SAAL1: variants seen among roughly 807,000 people sequenced by gnomAD.
The protein encoded by SAAL1 is serum amyloid A like 1.
In SAAL1, 42 loss-of-function variants were observed where a neutral mutation model predicts 59.8. That is an observed-to-expected ratio of 0.70 (90% confidence interval 0.55 to 0.91). The LOEUF (loss-of-function observed/expected upper bound fraction) is 0.91. Ranked by LOEUF, SAAL1 falls within the 40% of genes least tolerant of loss-of-function variation. SAAL1 has a pLI of 0.00. For synonymous variants in SAAL1, 191 were observed against 194.3 expected (o/e 0.98, Z 0.14); for missense variants, 542 against 561.1 (o/e 0.97, Z 0.34).
intron 10 of SAAL1, among the ~76,000 whole-genome samples, chr11:18,082,517 T>C (rs1054897671): frequency 5.3e-5 from 8 of 152,096 alleles, no homozygotes; most frequent in African/African-American, 1.9e-4. Context: ...AATCCAGTAA[T>C]TTAAATTATA....
chr11:18,095,867 C>T (rs192160286), intron 3 of SAAL1, among the ~76,000 whole-genome samples: 15 of 152,222 alleles, frequency 9.9e-5, no homozygotes, highest in African/African-American at 3.4e-4. Flanking sequence ...AGGAAAAGTA[C>T]CACTGTGAAT....
intron 4 of SAAL1, 174 bp from the exon 5 acceptor site, chr11:18,090,667 A>G: frequency 1.5e-6 from 1 of 653,782 alleles, no homozygotes; most frequent in Non-Finnish European, 2.4e-6. Context: ...TCGTGTTTCC[A>G]AGAAACAGAA....
chr11:18,103,265 T>C lies in SAAL1; in HGVS notation c.217A>G (p.Ile73Val). The C allele has an allele frequency of 6.2e-7, 1 of 1,613,974 alleles. No individual in the cohort carries two copies. Among genetic ancestry groups the C allele is most frequent in the South Asian group, 1.1e-5 (1 of 91,086 alleles). ...TELDEEMENEICRVWDMSMDE... is the reference protein window; with the variant it reads ...TELDEEMENEVCRVWDMSMDE... ...ATTGACATATCCCATACTCTGCAAA[T>C]TTCATTCTCCATTTCTTCATCAAGC... Residue 73 changes from isoleucine (I) to valine (V), a missense_variant, in exon 2 of 12, where the codon ATT becomes GTT. Physicochemically the swap from Ile to Val is conservative, Grantham distance 29. Transcript: ENST00000524803.
intron 9 of SAAL1, 83 bp from the exon 10 acceptor site, chr11:18,083,814 T>C (rs1177471409): frequency 2.4e-6 from 2 of 842,734 alleles, no homozygotes; most frequent in Middle Eastern, 2.3e-4. Context: ...TGCTAGACAT[T>C]ATTATTTTGG....
In SAAL1 at chr11:18,085,050, G is replaced by C. The variant is rs148053619; in HGVS notation, c.1043-1319C>G. The stretch of plus-strand genomic sequence containing the variant: ...CAAAGTGCTGGGATTATAGGTGTGA[G>C]CCACAGCACCTGGCTGTAAAACATA... On this transcript the variant is annotated intron_variant, in intron 9 of 11. Coordinates refer to ENST00000524803, the MANE Select transcript of SAAL1 (RefSeq NM_138421.3). 3.4e-3 allele frequency among the ~76,000 whole-genome samples: 514 copies of C among 152,302 alleles called. 4 individuals carry two copies. Among genetic ancestry groups the C allele is most frequent in the African/African-American group, 0.012 (497 of 41,558 alleles).
chr11:18,094,901 C>A (rs936598260), intron 3 of SAAL1, among the ~76,000 whole-genome samples: 1 of 152,174 alleles, frequency 6.6e-6, no homozygotes. Context: ...TGGCTGTTCA[C>A]TGGAATCACC....
intron 3 of SAAL1, among the ~76,000 whole-genome samples, chr11:18,095,128 G>A (rs775016116): frequency 3.3e-4 from 50 of 152,116 alleles, no homozygotes; most frequent in Non-Finnish European, 6.5e-4. Context: ...TTAGTGATGC[G>A]GGGACATGCT....
At chr11:18,084,602 T>C (rs145907282) in intron 9 of SAAL1, among the ~76,000 whole-genome samples, 28 of 152,340 alleles carry the variant, frequency 1.8e-4, no homozygotes, top group African/African-American at 6.0e-4. Flanking sequence ...AGTATGCACA[T>C]GACTCCCTCC....
At chr11:18,094,231 C>A (rs1175478399) in intron 3 of SAAL1, among the ~76,000 whole-genome samples, 1 of 152,112 alleles carries the variant, frequency 6.6e-6, no homozygotes, top group Non-Finnish European at 1.5e-5. Flanking sequence ...GTACAGCTGA[C>A]CCTTGAACAC....
intron 11 of SAAL1, 138 bp downstream of exon 11, chr11:18,081,273 C>G: frequency 1.7e-6 from 1 of 604,892 alleles, no homozygotes; most frequent in Non-Finnish European, 2.9e-6. Flanking sequence ...CAGCAGTCAT[C>G]TATCTGACAA....
In SAAL1 at chr11:18,105,879, A is replaced by AC. The variant is rs753701383; in HGVS notation, c.135+27dup. 6.4e-6 allele frequency: 10 copies of AC among 1,561,122 alleles called. No homozygotes were observed. In the East Asian group the frequency reaches 1.7e-4, roughly 26 times the overall value. On this transcript the variant is annotated intron_variant, in intron 1 of 11. Coordinates refer to ENST00000524803, the MANE Select transcript of SAAL1 (RefSeq NM_138421.3). ...CCCGGTGCCTGGGGGATGTAGGGACACCCCACGCGTGGCGCGAGTTTCCAC... is the reference window on the plus strand; with the variant it reads ...CCCGGTGCCTGGGGGATGTAGGGACACCCCCACGCGTGGCGCGAGTTTCCAC...
chr11:18,096,659 T>C (rs1306581686), intron 3 of SAAL1, 112 bp downstream of exon 3: 10 of 683,580 alleles, frequency 1.5e-5, no homozygotes, highest in South Asian at 8.1e-5. Context: ...TACAGGCTGA[T>C]TTGTTGATTT....
At chr11:18,089,020 G>T (rs1848495229) in intron 7 of SAAL1, among the ~76,000 whole-genome samples, 2 of 152,186 alleles carry the variant, frequency 1.3e-5, no homozygotes, top group Non-Finnish European at 2.9e-5. Flanking sequence ...CAACGTTAAT[G>T]AAGTTGTTAA....
At chr11:18,096,966 T>C (rs866437984) in intron 2 of SAAL1, 112 bp from the exon 3 acceptor site, 20 of 653,326 alleles carry the variant, frequency 3.1e-5, no homozygotes, top group Middle Eastern at 7.6e-4. Flanking sequence ...CCAGGCGCAG[T>C]GGCTGACACC....
intron 2 of SAAL1, among the ~76,000 whole-genome samples, chr11:18,103,007 G>A (rs1028098583): frequency 2.6e-5 from 4 of 152,104 alleles, no homozygotes; most frequent in African/African-American, 9.7e-5. Context: ...ATTCATAAGA[G>A]CTACGTATTT....
At chr11:18,087,294 T>C (rs1389622952) in intron 7 of SAAL1, 69 bp from the exon 8 acceptor site, 1 of 950,994 alleles carries the variant, frequency 1.1e-6, no homozygotes, top group Non-Finnish European at 1.7e-6. Context: ...CATTCCTCCA[T>C]TCAATAAATA....
intron 2 of SAAL1, 81 bp from the exon 3 acceptor site, chr11:18,096,935 T>G: frequency 1.3e-6 from 1 of 772,764 alleles, no homozygotes; most frequent in Non-Finnish European, 2.2e-6. Flanking sequence ...TAAAATTCTA[T>G]ATTAAAATTA....
chr11:18,083,457 T>A (rs1467298504), intron 10 of SAAL1, 78 bp downstream of exon 10: 38 of 735,754 alleles, frequency 5.2e-5, no homozygotes, highest in Non-Finnish European at 6.1e-5. Flanking sequence ...CTTTCATATT[T>A]AAAAAAAAAT....
chr11:18,094,400 G>A (rs1848552016), intron 3 of SAAL1, among the ~76,000 whole-genome samples: 2 of 152,138 alleles, frequency 1.3e-5, no homozygotes, highest in Non-Finnish European at 2.9e-5. Flanking sequence ...AGTATGTGTG[G>A]ATTTCAGTAT....
Sources: gnomAD v4.1 joint callset for allele counts (sites outside exome capture counted in the v4.1 genomes callset) on GRCh38, gnomAD v4.1.1 for gene constraint, MANE v1.5 for transcripts, NCBI Gene and HGNC (gene_info 2026-07-23, HGNC 2026-07-21) for gene names.